The following DAB2IP variants were observed in gnomAD, a reference collection of about 807,000 sequenced individuals.
DAB2IP encodes the protein disabled homolog 2-interacting protein.
In DAB2IP, 28 loss-of-function variants were observed where a neutral mutation model predicts 107.2. That is an observed-to-expected ratio of 0.26 (90% confidence interval 0.19 to 0.36). The LOEUF (loss-of-function observed/expected upper bound fraction) is 0.36, where lower values mean the gene tolerates loss of function less well. Ranked by LOEUF, DAB2IP falls within the 10% of genes least tolerant of loss-of-function variation. The pLI is 1.00. For missense variants in DAB2IP, 1,400 were observed against 1,644.7 expected, an observed-to-expected ratio of 0.85 and a Z score of 2.57; for synonymous variants, 755 against 706.4, an observed-to-expected ratio of 1.07 and a Z score of -1.09.
intron 1 of DAB2IP, chr9:121,575,346 A>G (rs1353358538): frequency 6.6e-6 from 1 of 152,578 alleles, no homozygotes; most frequent in Non-Finnish European, 1.5e-5. Context: ...ACCAAGCAGG[A>G]TAGATCCTTC....
chr9:121,773,001 C>G, exon 12 of DAB2IP: 9 of 1,610,724 alleles, frequency 5.6e-6, no homozygotes, highest in Non-Finnish European at 7.6e-6. Flanking sequence ...GCTGTTGGCA[C>G]CGCTCTCCTT....
chr9:121,580,844 C>T (rs375836105), intron 1 of DAB2IP, among the ~76,000 whole-genome samples: 1 of 152,190 alleles, frequency 6.6e-6, no homozygotes, highest in Non-Finnish European at 1.5e-5. Flanking sequence ...CCAGGATGGT[C>T]TCAATCTCCT....
intron 3 of DAB2IP, among the ~76,000 whole-genome samples, chr9:121,729,922 G>A (rs1455689830): frequency 6.6e-6 from 1 of 152,150 alleles, no homozygotes; most frequent in African/African-American, 2.4e-5. Flanking sequence ...TTTTCTCCCT[G>A]GAAGGCTCCT....
chr9:121,710,850 A>C (rs566752565), intron 3 of DAB2IP, among the ~76,000 whole-genome samples: 2 of 152,294 alleles, frequency 1.3e-5, no homozygotes, highest in African/African-American at 2.4e-5. Context: ...GGAGTTGCCT[A>C]TTGTGCTGCA....
At chr9:121,626,418 A>G (rs945550826) in intron 1 of DAB2IP, among the ~76,000 whole-genome samples, 3 of 127,252 alleles carry the variant, frequency 2.4e-5, no homozygotes, top group Non-Finnish European at 5.0e-5. Flanking sequence ...ACTTCAGACG[A>G]GAAACCTTTT....
intron 1 of DAB2IP, among the ~76,000 whole-genome samples, chr9:121,574,649 C>T (rs942490467): frequency 3.9e-5 from 6 of 152,140 alleles, no homozygotes; most frequent in African/African-American, 9.7e-5. Context: ...TGCCACACAG[C>T]GAGTGAGGAA....
At position 121,599,573 on chromosome 9, in the gene DAB2IP, C is replaced by G. The variant is rs1457321181; in HGVS notation, c.40+32345C>G. 2.6e-5 allele frequency among the ~76,000 whole-genome samples: 4 copies of G among 152,036 alleles called. No homozygotes were observed. The South Asian group carries it at 8.3e-4, about 31-fold the overall frequency. ...GCGCCGGGGGAGGCGCGGAGCCGGC[C>G]GTAGCGCGCTCCTGCCTGGCCAGCC... On this transcript the variant is annotated intron_variant, in intron 1 of 16. Transcript: ENST00000259371. The surrounding 1 kb of genome is among the most constrained non-coding windows in gnomAD (Gnocchi z 6.9).
chr9:121,697,828 G>A (rs1010634340), intron 2 of DAB2IP, among the ~76,000 whole-genome samples: 92 of 152,314 alleles, frequency 6.0e-4, no homozygotes, highest in African/African-American at 1.8e-3. Flanking sequence ...GAGGAAGGAG[G>A]AAAAGGCAGA....
chr9:121,578,610 C>T (rs1002353861), intron 1 of DAB2IP, among the ~76,000 whole-genome samples: 2 of 151,848 alleles, frequency 1.3e-5, no homozygotes, highest in Non-Finnish European at 2.9e-5. Flanking sequence ...CACCCTCCTG[C>T]CTGTATGAGG....
chr9:121,663,117 C>T (rs937787706), intron 1 of DAB2IP, among the ~76,000 whole-genome samples: 1 of 152,056 alleles, frequency 6.6e-6, no homozygotes, highest in East Asian at 1.9e-4. Flanking sequence ...GGAAGTGAGG[C>T]GTGTCTGGAG....
At chr9:121,696,687 C>T (rs1186776438) in intron 2 of DAB2IP, among the ~76,000 whole-genome samples, 1 of 152,238 alleles carries the variant, frequency 6.6e-6, no homozygotes, top group Non-Finnish European at 1.5e-5. Flanking sequence ...GCCTTCCCTA[C>T]TCTGGTCCCC....
At chr9:121,585,919 G>A (rs553484660) in intron 1 of DAB2IP, among the ~76,000 whole-genome samples, 16 of 152,176 alleles carry the variant, frequency 1.1e-4, no homozygotes, top group African/African-American at 2.6e-4. Flanking sequence ...CCCTAATTAC[G>A]GATCTAACTT....
chr9:121,721,402 A>AC (rs1421010446), intron 3 of DAB2IP, among the ~76,000 whole-genome samples: 3 of 152,324 alleles, frequency 2.0e-5, no homozygotes, highest in Non-Finnish European at 4.4e-5. Context: ...AACAATAAGC[A>AC]AGTCCCTGCT....
At chr9:121,685,513 T>G (rs560619361) in intron 2 of DAB2IP, among the ~76,000 whole-genome samples, 1 of 152,320 alleles carries the variant, frequency 6.6e-6, no homozygotes, top group East Asian at 1.9e-4. Context: ...CATTTTACAG[T>G]TGAGGATCCC....
chr9:121,668,764 A>G (rs2119110701), intron 1 of DAB2IP, among the ~76,000 whole-genome samples: 1 of 152,282 alleles, frequency 6.6e-6, no homozygotes, highest in Non-Finnish European at 1.5e-5. Context: ...CTCCAAAGAG[A>G]ACGTCTGATA....
At chr9:121,716,793 T>C (rs1340080097) in intron 3 of DAB2IP, among the ~76,000 whole-genome samples, 1 of 152,130 alleles carries the variant, frequency 6.6e-6, no homozygotes, top group African/African-American at 2.4e-5. Flanking sequence ...ATGGGAGCCA[T>C]TGCACCAAGG....
chr9:121,753,838 G>A (rs997073869), intron 3 of DAB2IP, among the ~76,000 whole-genome samples: 3 of 152,212 alleles, frequency 2.0e-5, no homozygotes, highest in Non-Finnish European at 4.4e-5. Context: ...GTCCCGGGTA[G>A]GGAAGCTGAG....
At chr9:121,570,245 T>C (rs944056474) in intron 1 of DAB2IP, among the ~76,000 whole-genome samples, 2 of 151,294 alleles carry the variant, frequency 1.3e-5, no homozygotes, top group African/African-American at 4.9e-5. Context: ...CCCGAGTAGC[T>C]GGGACCACAG....
chr9:121,762,509 G>A (rs2118977428), intron 6 of DAB2IP, among the ~76,000 whole-genome samples: 1 of 152,310 alleles, frequency 6.6e-6, no homozygotes, highest in Middle Eastern at 3.4e-3. Flanking sequence ...TGCCCCTGCT[G>A]TCCCTCTGTG....
Sources: allele counts gnomAD v4.1 joint callset (sites outside exome capture counted in the v4.1 genomes callset), GRCh38; gene constraint gnomAD v4.1.1; non-coding constraint Gnocchi (gnomAD v3.1); transcripts MANE v1.5; gene names NCBI Gene and HGNC (gene_info 2026-07-23, HGNC 2026-07-21).